Variants in ATAD1 observed in about 807,000 individuals in gnomAD.
The protein encoded by ATAD1 is outer mitochondrial transmembrane helix translocase.
ATAD1 carries 18 observed loss-of-function variants against 42.7 expected under a neutral mutation model. The ratio of observed to expected loss-of-function variants is 0.42; its 90% CI spans 0.29 to 0.63. The LOEUF is 0.63. ATAD1 is among the 20% of genes least tolerant of loss of function. The pLI is 0.19. For missense variants in ATAD1, 294 were observed against 440.4 expected, an observed-to-expected ratio of 0.67 and a Z score of 2.98; for synonymous variants, 132 against 143.1, an observed-to-expected ratio of 0.92 and a Z score of 0.55.
At chr10:87,767,230 C>T (rs1021269462) in intron 8 of ATAD1, among the ~76,000 whole-genome samples, 1 of 152,068 alleles carries the variant, frequency 6.6e-6, no homozygotes, top group Admixed American at 6.6e-5. Flanking sequence ...CAAGAGGATT[C>T]AGGTCAAGTT....
chr10:87,773,354 G>A (rs996000102), intron 6 of ATAD1, among the ~76,000 whole-genome samples: 1 of 152,104 alleles, frequency 6.6e-6, no homozygotes, highest in Non-Finnish European at 1.5e-5. Context: ...AACAGTGACC[G>A]GTTTCATTGA....
chr10:87,817,453 CATTTT>C (rs1237241668), intron 1 of ATAD1, among the ~76,000 whole-genome samples: 1 of 152,216 alleles, frequency 6.6e-6, no homozygotes, highest in Non-Finnish European at 1.5e-5. Flanking sequence ...CAGGTCGTTT[CATTTT>C]AAGTTCTCCA....
At chr10:87,760,614 A>G (rs1385048819) in intron 8 of ATAD1, among the ~76,000 whole-genome samples, 1 of 152,176 alleles carries the variant, frequency 6.6e-6, no homozygotes, top group Non-Finnish European at 1.5e-5. Flanking sequence ...GGGTGTGTCT[A>G]GCTACTCAGG....
intron 8 of ATAD1, among the ~76,000 whole-genome samples, chr10:87,758,810 C>T (rs1413381808): frequency 6.6e-6 from 1 of 151,908 alleles, no homozygotes; most frequent in Non-Finnish European, 1.5e-5. Context: ...GTAACATGGC[C>T]TCAAAACATA....
At chr10:87,799,054 A>G (rs1856553955) in intron 2 of ATAD1, among the ~76,000 whole-genome samples, 1 of 152,208 alleles carries the variant, frequency 6.6e-6, no homozygotes, top group South Asian at 2.1e-4. Flanking sequence ...CTTCATCAGG[A>G]AAAAAGAGAA....
chr10:87,823,028 T>G (rs1258230021), upstream of ATAD1, among the ~76,000 whole-genome samples: 4 of 151,524 alleles, frequency 2.6e-5, no homozygotes, highest in East Asian at 7.7e-4. Context: ...AATTTAAAAT[T>G]TCAAAAGATT....
chr10:87,803,466 G>A (rs571167762), intron 2 of ATAD1, among the ~76,000 whole-genome samples: 14 of 152,220 alleles, frequency 9.2e-5, no homozygotes, highest in East Asian at 5.8e-4. Context: ...TGAGATAAAC[G>A]CGTATCTGCT....
chr10:87,785,778 T>G (rs952392962), intron 4 of ATAD1, among the ~76,000 whole-genome samples: 3 of 151,990 alleles, frequency 2.0e-5, no homozygotes, highest in African/African-American at 7.2e-5. Context: ...AGCAATTTTA[T>G]TTTTCACATC....
chr10:87,755,901 C>CA (rs543518858), intron 9 of ATAD1, among the ~76,000 whole-genome samples: 36 of 151,670 alleles, frequency 2.4e-4, no homozygotes, highest in South Asian at 1.0e-3. Flanking sequence ...AACTCCGTCT[C>CA]AAAAAAAAGA....
Position 87,806,573 on chromosome 10 carries a change from C to T in ATAD1, c.162+7865G>A, listed in dbSNP as rs144983475. ...TTTAGTTTTACATGTTTCAGAATGT[C>T]TACATGGGATCACACTATATGTACT... On this transcript the variant is annotated intron_variant, in intron 2 of 9. Coordinates refer to ENST00000680024, the MANE Select transcript of ATAD1 (RefSeq NM_001321967.2). 5.2e-4 allele frequency among the ~76,000 whole-genome samples: 79 copies of T among 152,252 alleles called. No individual in the cohort carries two copies. The East Asian group carries it at 0.012, about 22-fold the overall frequency.
At chr10:87,805,698 G>C (rs1856891132) in intron 2 of ATAD1, among the ~76,000 whole-genome samples, 1 of 151,224 alleles carries the variant, frequency 6.6e-6, no homozygotes, top group Non-Finnish European at 1.5e-5. Context: ...GATTCTTCTG[G>C]GACCTTCCTC....
chr10:87,765,945 G>C (rs1192021112), intron 8 of ATAD1, among the ~76,000 whole-genome samples: 1 of 151,916 alleles, frequency 6.6e-6, no homozygotes, highest in Non-Finnish European at 1.5e-5. Context: ...GGGTGAGGCG[G>C]GAAGATTACT....
rs1340830596 is a variant in ATAD1, at chr10:87,753,619, A to G, written c.*1068T>C. 1 of 152,636 alleles carries G rather than the reference A, an allele frequency of 6.6e-6. No individual in the cohort carries two copies. The highest frequency in any genetic ancestry group is 1.5e-5 in the Non-Finnish European group (1 of 68,030). The allele number at this position is 152,636 out of a possible 1,614,324, so 9.5% of individuals were successfully genotyped here. A position where few individuals can be genotyped will look rare whatever the true frequency, so the allele number is the denominator to read the frequency against. On this transcript the variant is annotated 3_prime_UTR_variant, in exon 10 of 10. Coordinates refer to ENST00000680024, the MANE Select transcript of ATAD1 (RefSeq NM_001321967.2). ...TGTACATTTGTACCTGACTTAGGGCACAATTTATAATAATATACTAAGAAA... is the reference window on the plus strand; with the variant it reads ...TGTACATTTGTACCTGACTTAGGGCGCAATTTATAATAATATACTAAGAAA...
chr10:87,794,293 G>T (rs570888428), intron 2 of ATAD1, among the ~76,000 whole-genome samples: 2 of 152,144 alleles, frequency 1.3e-5, no homozygotes, highest in East Asian at 3.8e-4. Context: ...TCTTGCCCCT[G>T]TAAAGTCACT....
chr10:87,836,679 TTGG>T (rs1345656035), intron 1 of ATAD1, among the ~76,000 whole-genome samples: 1 of 152,268 alleles, frequency 6.6e-6, no homozygotes, highest in Admixed American at 6.5e-5. Flanking sequence ...TATACCCTGT[TTGG>T]TGTCTGAGTT....
chr10:87,830,508 TC>T (rs1323586959), intron 1 of ATAD1, among the ~76,000 whole-genome samples: 3 of 152,144 alleles, frequency 2.0e-5, no homozygotes, highest in Non-Finnish European at 4.4e-5. Flanking sequence ...CATGTTTTTT[TC>T]CCCCCTGTCT....
chr10:87,812,533 G>A (rs1265647644), intron 2 of ATAD1, among the ~76,000 whole-genome samples: 2 of 152,170 alleles, frequency 1.3e-5, no homozygotes, highest in East Asian at 1.9e-4. Flanking sequence ...AAAGTGCTGG[G>A]ATTATAGGCG....
intron 1 of ATAD1, among the ~76,000 whole-genome samples, chr10:87,840,389 G>T (rs1858010136): frequency 6.6e-6 from 1 of 152,186 alleles, no homozygotes; most frequent in South Asian, 2.1e-4. Flanking sequence ...GAAGGCTGAG[G>T]TGGGAGGATC....
chr10:87,790,282 T>G (rs780285225), intron 4 of ATAD1, 28 bp downstream of exon 4: 1 of 1,595,134 alleles, frequency 6.3e-7, no homozygotes, highest in South Asian at 1.2e-5. Flanking sequence ...ATTTTAATGC[T>G]TTAGGCGAAT....
Sources: allele counts gnomAD v4.1 joint callset (sites outside exome capture counted in the v4.1 genomes callset), GRCh38; gene constraint gnomAD v4.1.1; transcripts MANE v1.5; gene names NCBI Gene and HGNC (gene_info 2026-07-23, HGNC 2026-07-21).